The following DCDC1 variants were observed in gnomAD, a reference collection of about 807,000 sequenced individuals.
DCDC1 encodes the protein doublecortin domain-containing protein 1.
In DCDC1, 200 loss-of-function variants were observed where a neutral mutation model predicts 178.3. The observed-to-expected ratio is 1.12, with a 90% CI of 1.00 to 1.26. The LOEUF (loss-of-function observed/expected upper bound fraction) is 1.26. Among genes scored for constraint, DCDC1 ranks in the 50% most tolerant of loss-of-function variants. DCDC1 has a pLI of 0.00. For synonymous variants in DCDC1, 690 were observed against 604.8 expected, an observed-to-expected ratio of 1.14 and a Z score of -2.07; for missense variants, 1,983 against 1,749.2, an observed-to-expected ratio of 1.13 and a Z score of -2.38.
At chr11:30,888,163 G>GAAA (rs1565030639) in intron 36 of DCDC1, among the ~76,000 whole-genome samples, 1 of 97,980 alleles carries the variant, frequency 1.0e-5, no homozygotes, top group African/African-American at 4.3e-5. Context: ...AGAAAGAAAG[G>GAAA]GAAAGAAAGA....
chr11:30,959,352 G>A (rs535043977), intron 20 of DCDC1, among the ~76,000 whole-genome samples: 136 of 152,148 alleles, frequency 8.9e-4, no homozygotes, highest in Non-Finnish European at 1.5e-3. Flanking sequence ...CCCGGTTTAC[G>A]TGCCTCTCCA....
intron 9 of DCDC1, among the ~76,000 whole-genome samples, chr11:31,142,179 C>T (rs1963901998): frequency 6.6e-6 from 1 of 152,100 alleles, no homozygotes; most frequent in Admixed American, 6.6e-5. Context: ...TTTGGTCAAC[C>T]TAGTTAATTT....
At chr11:30,933,310 T>G (rs970662998) in intron 21 of DCDC1, among the ~76,000 whole-genome samples, 1 of 152,090 alleles carries the variant, frequency 6.6e-6, no homozygotes, top group Non-Finnish European at 1.5e-5. Context: ...AAAGTCTATT[T>G]GGGATATAAG....
intron 20 of DCDC1, among the ~76,000 whole-genome samples, chr11:31,026,065 T>C (rs796924158): frequency 6.6e-6 from 1 of 151,858 alleles, no homozygotes; most frequent in Non-Finnish European, 1.5e-5. Flanking sequence ...AGAGAACATT[T>C]GAAACCTGTA....
At chr11:30,868,584 C>T (rs1180901239) in intron 38 of DCDC1, among the ~76,000 whole-genome samples, 1 of 152,006 alleles carries the variant, frequency 6.6e-6, no homozygotes, top group Non-Finnish European at 1.5e-5. Context: ...GAAGTTTGCT[C>T]ATCTGGGCCT....
intron 8 of DCDC1, among the ~76,000 whole-genome samples, chr11:31,255,526 T>C (rs576937082): frequency 6.6e-6 from 1 of 152,306 alleles, no homozygotes; most frequent in African/African-American, 2.4e-5. Flanking sequence ...CATCCCAGTA[T>C]GTGTGAAGTA....
chr11:30,935,546 T>C lies in DCDC1; in HGVS notation c.2716-3594A>G, dbSNP rs769631170. 5.6e-5 allele frequency among the ~76,000 whole-genome samples: 8 copies of C among 143,336 alleles called. No homozygotes were observed. In the Middle Eastern group the frequency reaches 0.011, roughly 189 times the overall value. The allele number at this position is 143,336 out of a possible 152,430, so 94.0% of individuals were successfully genotyped here. Reference sequence around the variant, plus strand: ...AGAAATGGAACTAGCCCATGTTTTCTGTTTGTTTGTTTGTTTGGGTTTTTT... The same window carrying C: ...AGAAATGGAACTAGCCCATGTTTTCCGTTTGTTTGTTTGTTTGGGTTTTTT... On this transcript the variant is annotated intron_variant, in intron 21 of 38. Transcript: ENST00000684477.
intron 8 of DCDC1, among the ~76,000 whole-genome samples, chr11:31,262,452 G>A (rs1322086136): frequency 1.3e-5 from 2 of 152,068 alleles, no homozygotes; most frequent in African/African-American, 4.8e-5. Flanking sequence ...CAAAAAAGAA[G>A]CAATAGGTAG....
At chr11:31,169,034 C>T (rs1295693001) in intron 9 of DCDC1, among the ~76,000 whole-genome samples, 4 of 152,044 alleles carry the variant, frequency 2.6e-5, no homozygotes, top group African/African-American at 9.7e-5. Flanking sequence ...ACATATACAC[C>T]GTGGAACACT....
intron 24 of DCDC1, among the ~76,000 whole-genome samples, chr11:30,921,680 C>T (rs1252612124): frequency 6.6e-6 from 1 of 152,134 alleles, no homozygotes; most frequent in African/African-American, 2.4e-5. Context: ...AAAACTAGCA[C>T]AGCATGTCTT....
chr11:30,903,708 C>G, intron 31 of DCDC1, 25 bp from the exon 32 acceptor site: 4 of 1,551,726 alleles, frequency 2.6e-6, no homozygotes, highest in Non-Finnish European at 3.5e-6. Context: ...CAGTAAGGAT[C>G]TGACAGGCAA....
At chr11:30,897,249 GT>G in intron 34 of DCDC1, among the ~76,000 whole-genome samples, 1 of 152,146 alleles carries the variant, frequency 6.6e-6, no homozygotes, top group Non-Finnish European at 1.5e-5. Flanking sequence ...CAAATACAGA[GT>G]TTTAAACAGT....
At chr11:31,358,191 T>C (rs1407343432) in intron 1 of DCDC1, among the ~76,000 whole-genome samples, 1 of 151,660 alleles carries the variant, frequency 6.6e-6, no homozygotes, top group Non-Finnish European at 1.5e-5. Context: ...CAAACTATAC[T>C]ACAAGGCTAC....
chr11:30,917,792 A>G (rs970448951), intron 25 of DCDC1, among the ~76,000 whole-genome samples: 1 of 152,256 alleles, frequency 6.6e-6, no homozygotes, highest in Non-Finnish European at 1.5e-5. Context: ...CACTCTAAGT[A>G]TGCGTACCTG....
intron 8 of DCDC1, 57 bp from the exon 9 acceptor site, chr11:31,241,673 T>G: frequency 2.5e-6 from 1 of 395,158 alleles, no homozygotes; most frequent in East Asian, 3.6e-5. Context: ...CGAAATACAC[T>G]GCCTGGAACA....
At chr11:31,329,085 G>A (rs1949815423) in intron 2 of DCDC1, among the ~76,000 whole-genome samples, 1 of 150,500 alleles carries the variant, frequency 6.6e-6, no homozygotes, top group African/African-American at 2.4e-5. Flanking sequence ...TACTAGGCTA[G>A]CCAATCAAAA....
chr11:31,037,941 T>A (rs1202142661), intron 20 of DCDC1, among the ~76,000 whole-genome samples: 3 of 152,024 alleles, frequency 2.0e-5, no homozygotes, highest in African/African-American at 7.2e-5. Flanking sequence ...TTAATGAATT[T>A]AAGTCTTATT....
intron 38 of DCDC1, among the ~76,000 whole-genome samples, chr11:30,872,925 A>G (rs1941719649): frequency 6.6e-6 from 1 of 151,896 alleles, no homozygotes; most frequent in African/African-American, 2.4e-5. Flanking sequence ...GGGGACAGGG[A>G]TCACATCTGT....
At chr11:31,141,352 T>C (rs1221995735) in intron 9 of DCDC1, among the ~76,000 whole-genome samples, 4 of 152,226 alleles carry the variant, frequency 2.6e-5, no homozygotes, top group African/African-American at 9.6e-5. Context: ...AGATAGGTAC[T>C]AGCCAAAGGT....
Sources: gnomAD v4.1 joint callset for allele counts (sites outside exome capture counted in the v4.1 genomes callset) on GRCh38, gnomAD v4.1.1 for gene constraint, MANE v1.5 for transcripts, NCBI Gene and HGNC (gene_info 2026-07-23, HGNC 2026-07-21) for gene names.